The following ARHGAP32 variants were observed in gnomAD, a reference collection of about 807,000 sequenced individuals.
ARHGAP32 encodes Rho GTPase activating protein 32, also known as rho GTPase-activating protein 32.
A neutral mutation model predicts 186.5 loss-of-function variants in ARHGAP32; 51 were observed. The observed-to-expected ratio is 0.27, with a 90% confidence interval of 0.22 to 0.35. The LOEUF is 0.35. ARHGAP32 is among the 10% of genes least tolerant of loss of function. The pLI, the probability that ARHGAP32 is intolerant of heterozygous loss-of-function variation, is 1.00. For synonymous variants in ARHGAP32, 950 were observed against 964.3 expected, an observed-to-expected ratio of 0.99 and a Z score of 0.27; for missense variants, 2,186 against 2,623.5, an observed-to-expected ratio of 0.83 and a Z score of 3.64.
chr11:129,166,938 T>C (rs1178809103), intron 1 of ARHGAP32, among the ~76,000 whole-genome samples: 2 of 152,160 alleles, frequency 1.3e-5, no homozygotes, highest in East Asian at 1.9e-4. Flanking sequence ...TTAGGATTTC[T>C]CTATTGGTTG....
chr11:129,086,802 CAG>C (rs1403642860), intron 6 of ARHGAP32, among the ~76,000 whole-genome samples: 1 of 126,484 alleles, frequency 7.9e-6, no homozygotes, highest in Non-Finnish European at 1.6e-5. Flanking sequence ...GCCTGGGCGA[CAG>C]AGTGAGACTC....
intron 1 of ARHGAP32, among the ~76,000 whole-genome samples, chr11:129,220,067 CATAAATT>C (rs1944692901): frequency 6.6e-6 from 1 of 152,164 alleles, no homozygotes; most frequent in Non-Finnish European, 1.5e-5. Context: ...ATAGCACTTG[CATAAATT>C]ACTTTAGAAA....
chr11:129,236,730 T>C (rs1353649599), intron 1 of ARHGAP32, among the ~76,000 whole-genome samples: 1 of 152,134 alleles, frequency 6.6e-6, no homozygotes, highest in Non-Finnish European at 1.5e-5. Context: ...CTTTACCGAT[T>C]TGGATGCGCT....
At chr11:129,066,699 T>C in intron 7 of ARHGAP32, 32 bp downstream of exon 7, 1 of 1,597,992 alleles carries the variant, frequency 6.3e-7, no homozygotes, top group Non-Finnish European at 8.5e-7. Flanking sequence ...TATATAGTGA[T>C]TACCTCTGTA....
intron 1 of ARHGAP32, among the ~76,000 whole-genome samples, chr11:129,272,260 T>C (rs1012497191): frequency 1.3e-5 from 2 of 152,136 alleles, no homozygotes; most frequent in African/African-American, 4.8e-5. Context: ...CACCCAAAGA[T>C]AAATGAGAAG....
chr11:129,234,004 T>C (rs1944892479), intron 1 of ARHGAP32, among the ~76,000 whole-genome samples: 1 of 152,190 alleles, frequency 6.6e-6, no homozygotes, highest in African/African-American at 2.4e-5. Context: ...TATTTCATTT[T>C]AAAAAAACCT....
chr11:129,012,108 A>G (rs1388839309), intron 11 of ARHGAP32, among the ~76,000 whole-genome samples: 2 of 152,174 alleles, frequency 1.3e-5, no homozygotes, highest in Non-Finnish European at 2.9e-5. Context: ...GTTCAAAACT[A>G]AATTTAAAAT....
At chr11:129,108,518 G>A (rs1269032158) in intron 5 of ARHGAP32, among the ~76,000 whole-genome samples, 3 of 151,926 alleles carry the variant, frequency 2.0e-5, no homozygotes, top group African/African-American at 4.8e-5. Flanking sequence ...GAAATAGGCA[G>A]TTCTACAAAA....
chr11:129,158,416 A>C (rs1414157553), intron 2 of ARHGAP32, among the ~76,000 whole-genome samples: 4 of 151,674 alleles, frequency 2.6e-5, no homozygotes, highest in Non-Finnish European at 4.4e-5. Flanking sequence ...AAAAAAGCAG[A>C]GAATGCAATC....
chr11:129,215,087 CCT>C (rs1451312649), intron 1 of ARHGAP32, among the ~76,000 whole-genome samples: 1 of 152,132 alleles, frequency 6.6e-6, no homozygotes, highest in African/African-American at 2.4e-5. Context: ...AACTTTCTCT[CCT>C]CTTTCTGAGC....
chr11:129,133,277 C>T (rs374739262), intron 2 of ARHGAP32, among the ~76,000 whole-genome samples: 107 of 152,172 alleles, frequency 7.0e-4, no homozygotes, highest in African/African-American at 2.3e-3. Flanking sequence ...AGATAGCTAA[C>T]GGACAATATC....
At chr11:129,086,682 G>C (rs1039396125) in intron 6 of ARHGAP32, among the ~76,000 whole-genome samples, 1 of 151,984 alleles carries the variant, frequency 6.6e-6, no homozygotes, top group Non-Finnish European at 1.5e-5. Context: ...TTAGCCGGGC[G>C]TGGTGGTGGG....
chr11:129,089,657 T>G (rs1175527041), intron 6 of ARHGAP32, among the ~76,000 whole-genome samples: 1 of 152,162 alleles, frequency 6.6e-6, no homozygotes, highest in Non-Finnish European at 1.5e-5. Context: ...TGGGTTTAGC[T>G]CCACATGCAG....
At chr11:129,244,159 A>C (rs1009737706) in intron 1 of ARHGAP32, among the ~76,000 whole-genome samples, 8 of 152,204 alleles carry the variant, frequency 5.3e-5, no homozygotes, top group African/African-American at 1.9e-4. Context: ...ATTCTTCATA[A>C]CAACTCCATG....
intron 11 of ARHGAP32, among the ~76,000 whole-genome samples, chr11:129,026,608 A>G (rs886385881): frequency 5.9e-5 from 9 of 152,024 alleles, no homozygotes; most frequent in African/African-American, 2.2e-4. Flanking sequence ...AGCCTGGCCA[A>G]TATGGTGAAA....
At chr11:129,208,908 A>G (rs1210356718) in intron 1 of ARHGAP32, among the ~76,000 whole-genome samples, 1 of 152,218 alleles carries the variant, frequency 6.6e-6, no homozygotes, top group Non-Finnish European at 1.5e-5. Flanking sequence ...GAAAGTATTC[A>G]GAATTGAATT....
intron 1 of ARHGAP32, among the ~76,000 whole-genome samples, chr11:129,167,307 G>A (rs1473044160): frequency 2.6e-5 from 4 of 152,088 alleles, no homozygotes; most frequent in Admixed American, 6.5e-5. Context: ...GGAAAAGACT[G>A]GCAGTTTCTC....
At chr11:129,013,620 G>A (rs1020830938) in intron 11 of ARHGAP32, among the ~76,000 whole-genome samples, 1 of 152,080 alleles carries the variant, frequency 6.6e-6, no homozygotes, top group Admixed American at 6.5e-5. Flanking sequence ...TAATTTCCCT[G>A]CCTTGGAGAT....
At chr11:129,106,674 T>C (rs1942057295) in intron 5 of ARHGAP32, among the ~76,000 whole-genome samples, 1 of 152,084 alleles carries the variant, frequency 6.6e-6, no homozygotes, top group African/African-American at 2.4e-5. Context: ...TCCCTGAATC[T>C]AATATAAAAG....
Sources: allele counts gnomAD v4.1 joint callset (sites outside exome capture counted in the v4.1 genomes callset), GRCh38; gene constraint gnomAD v4.1.1; transcripts MANE v1.5; gene names NCBI Gene and HGNC (gene_info 2026-07-23, HGNC 2026-07-21).